The following FAR2 variants were observed in gnomAD, a reference collection of about 807,000 sequenced individuals.
The protein encoded by FAR2 is fatty acyl-CoA reductase 2.
FAR2 carries 19 observed loss-of-function variants against 56.0 expected under a neutral mutation model. The ratio of observed to expected loss-of-function variants is 0.34; its 90% CI spans 0.24 to 0.50. FAR2 has a LOEUF of 0.50. Among genes scored for constraint, FAR2 ranks in the 20% least tolerant of loss-of-function variants. The pLI is 0.98. For synonymous variants in FAR2, 219 were observed against 218.8 expected (o/e 1.00, Z -0.01); for missense variants, 508 against 642.2 (o/e 0.79, Z 2.26).
At chr12:29,298,504 TC>T (rs1464214550) in intron 4 of FAR2, among the ~76,000 whole-genome samples, 2 of 152,152 alleles carry the variant, frequency 1.3e-5, no homozygotes, top group Admixed American at 6.6e-5. Flanking sequence ...TTTTTGTCTG[TC>T]ATGTAAAAAT....
chr12:29,273,139 C>T (rs886150580), intron 2 of FAR2, among the ~76,000 whole-genome samples: 2 of 152,116 alleles, frequency 1.3e-5, no homozygotes, highest in South Asian at 2.1e-4. Context: ...GGAGTAGGAC[C>T]GTTTAACGAA....
chr12:29,194,280 A>G (rs997959380), intron 1 of FAR2, among the ~76,000 whole-genome samples: 1 of 152,174 alleles, frequency 6.6e-6, no homozygotes, highest in Non-Finnish European at 1.5e-5. Flanking sequence ...AGGTTCTGAA[A>G]TTCAGTCTCA....
intron 1 of FAR2, among the ~76,000 whole-genome samples, chr12:29,239,637 A>G (rs1947995742): frequency 6.6e-6 from 1 of 152,180 alleles, no homozygotes; most frequent in Non-Finnish European, 1.5e-5. Flanking sequence ...AAAGCCACAA[A>G]ACAAATGTCC....
intron 1 of FAR2, among the ~76,000 whole-genome samples, chr12:29,238,899 C>T (rs548638809): frequency 6.6e-6 from 1 of 152,158 alleles, no homozygotes; most frequent in Non-Finnish European, 1.5e-5. Context: ...TATGATCTCA[C>T]AGTTTCCATG....
chr12:29,235,722 A>G (rs376005110), intron 1 of FAR2, among the ~76,000 whole-genome samples: 1 of 152,170 alleles, frequency 6.6e-6, no homozygotes, highest in African/African-American at 2.4e-5. Flanking sequence ...GTGCACAGAC[A>G]TTGTGCTTTA....
intron 1 of FAR2, among the ~76,000 whole-genome samples, chr12:29,201,903 T>C (rs1441215515): frequency 2.0e-5 from 3 of 152,236 alleles, no homozygotes; most frequent in Non-Finnish European, 2.9e-5. Flanking sequence ...GAAAGTTTTA[T>C]TGGACAGCAC....
intron 1 of FAR2, among the ~76,000 whole-genome samples, chr12:29,258,293 T>C (rs1272012631): frequency 6.6e-6 from 1 of 151,854 alleles, no homozygotes; most frequent in Non-Finnish European, 1.5e-5. Flanking sequence ...AGGCAGAGAT[T>C]GCAGTGAGCC....
intron 1 of FAR2, among the ~76,000 whole-genome samples, chr12:29,213,073 C>G (rs1947570964): frequency 2.0e-5 from 3 of 152,124 alleles, no homozygotes; most frequent in Admixed American, 2.0e-4. Flanking sequence ...TTCAAACTTC[C>G]TTCCCATATA....
intron 1 of FAR2, among the ~76,000 whole-genome samples, chr12:29,188,778 GTT>G (rs1322697054): frequency 7.2e-6 from 1 of 138,772 alleles, no homozygotes; most frequent in Admixed American, 7.2e-5. Flanking sequence ...TTTGTTTTTT[GTT>G]TTTTTTTTTT....
chr12:29,173,729 C>T lies in FAR2; in HGVS notation c.-39+24322C>T, dbSNP rs564885792. ...TTCCCACCTGAAAGACAAAACCGTC[C>T]GCAGTTTTGGTTTGTTTGTTTCCCC... On this transcript the variant is annotated intron_variant, in intron 1 of 11. Coordinates refer to ENST00000536681, the MANE Select transcript of FAR2 (RefSeq NM_001271783.2). 1.6e-3 allele frequency among the ~76,000 whole-genome samples: 237 copies of T among 152,170 alleles called. 2 individuals carry two copies. The highest frequency in any genetic ancestry group is 5.2e-3 in the African/African-American group (216 of 41,514).
intron 1 of FAR2, among the ~76,000 whole-genome samples, chr12:29,168,527 C>T (rs1398563685): frequency 1.3e-5 from 2 of 152,166 alleles, no homozygotes; most frequent in African/African-American, 4.8e-5. Context: ...CATCTTGTGT[C>T]CAGAATTGGT....
intron 1 of FAR2, among the ~76,000 whole-genome samples, chr12:29,232,498 T>G (rs1740030218): frequency 6.6e-6 from 1 of 152,134 alleles, no homozygotes; most frequent in African/African-American, 2.4e-5. Context: ...CTCCTTACCT[T>G]AACTGAAAAT....
intron 10 of FAR2, among the ~76,000 whole-genome samples, chr12:29,327,992 T>C (rs1365915318): frequency 6.6e-6 from 1 of 152,116 alleles, no homozygotes; most frequent in Non-Finnish European, 1.5e-5. Context: ...AGAAAATTTT[T>C]GCAACCTACT....
At chr12:29,287,865 T>C (rs1948902198) in intron 2 of FAR2, among the ~76,000 whole-genome samples, 2 of 152,198 alleles carry the variant, frequency 1.3e-5, no homozygotes, top group African/African-American at 2.4e-5. Flanking sequence ...TAAAGGCCTC[T>C]GGATTGTTTC....
At chr12:29,262,700 C>T (rs921050880) in intron 1 of FAR2, among the ~76,000 whole-genome samples, 5 of 151,902 alleles carry the variant, frequency 3.3e-5, no homozygotes, top group African/African-American at 1.2e-4. Flanking sequence ...GAGAAAACCA[C>T]CTTCACTAAA....
At chr12:29,315,682 G>T (rs551345315) in intron 8 of FAR2, among the ~76,000 whole-genome samples, 1 of 152,240 alleles carries the variant, frequency 6.6e-6, no homozygotes, top group South Asian at 2.1e-4. Flanking sequence ...TTGTGTGTGG[G>T]TTGTTAAAGA....
chr12:29,189,305 T>A (rs1950078323), intron 1 of FAR2, among the ~76,000 whole-genome samples: 1 of 152,228 alleles, frequency 6.6e-6, no homozygotes, highest in Non-Finnish European at 1.5e-5. Context: ...AATACTACGT[T>A]ATTTATTTTA....
intron 7 of FAR2, 41 bp downstream of exon 7, chr12:29,311,187 G>T: frequency 7.2e-7 from 1 of 1,385,788 alleles, no homozygotes; most frequent in Non-Finnish European, 1.0e-6. Flanking sequence ...TTCATGAGGG[G>T]CAGAGTGAAT....
chr12:29,308,890 G>C (rs1949300996), intron 5 of FAR2, among the ~76,000 whole-genome samples: 1 of 151,928 alleles, frequency 6.6e-6, no homozygotes, highest in African/African-American at 2.4e-5. Context: ...CATGATATAA[G>C]GACAAGGTCC....
Sources: gnomAD v4.1 joint callset for allele counts (sites outside exome capture counted in the v4.1 genomes callset) on GRCh38, gnomAD v4.1.1 for gene constraint, MANE v1.5 for transcripts, NCBI Gene and HGNC (gene_info 2026-07-23, HGNC 2026-07-21) for gene names.